RARS2: variants seen among roughly 807,000 people sequenced by gnomAD.
RARS2 encodes the protein probable arginine--tRNA ligase, mitochondrial.
In RARS2, 67 loss-of-function variants were observed where a neutral mutation model predicts 88.5. That is an observed-to-expected ratio of 0.76 (90% CI 0.62 to 0.93). The LOEUF (loss-of-function observed/expected upper bound fraction) is 0.93. Ranked by LOEUF, RARS2 falls within the 40% of genes least tolerant of loss-of-function variation. RARS2 has a pLI of 0.00. For synonymous variants in RARS2, 239 were observed against 230.3 expected (o/e 1.04, Z -0.34); for missense variants, 664 against 684.2 (o/e 0.97, Z 0.33).
chr6:87,576,177 T>C lies in RARS2; in HGVS notation c.37-6587A>G, dbSNP rs1308449123. Among the ~76,000 whole-genome samples the C allele has an allele frequency of 1.7e-5, 2 of 120,690 alleles. 1 individual carries two copies. 79.2% of individuals were successfully genotyped at this position (120,690 alleles called of 152,430 possible). On this transcript the variant is annotated intron_variant, in intron 1 of 19. Coordinates refer to ENST00000369536, the MANE Select transcript of RARS2 (RefSeq NM_020320.5). ...GCACAAAGATAATTACACTTTGATA[T>C]AATTTATATAAAATTTAATAACTTG...
At chr6:87,560,425 T>C (rs545101168) in intron 4 of RARS2, among the ~76,000 whole-genome samples, 51 of 152,344 alleles carry the variant, frequency 3.3e-4, no homozygotes, top group African/African-American at 1.2e-3. Context: ...AAATATTATT[T>C]GAAGTTACAG....
At chr6:87,548,490 T>C (rs1783303632) in intron 6 of RARS2, 101 bp downstream of exon 6, 4 of 1,196,380 alleles carry the variant, frequency 3.3e-6, no homozygotes, top group Middle Eastern at 5.5e-4. Context: ...AAACTTTTTG[T>C]TTTTTGCTAT....
At chr6:87,541,869 G>T in intron 8 of RARS2, 49 bp downstream of exon 8, 1 of 1,340,160 alleles carries the variant, frequency 7.5e-7, no homozygotes, top group Non-Finnish European at 1.1e-6. Flanking sequence ...ATGTTACTAA[G>T]CTACATAGTA....
chr6:87,572,150 T>A (rs1170102639), intron 1 of RARS2, among the ~76,000 whole-genome samples: 2 of 151,448 alleles, frequency 1.3e-5, no homozygotes, highest in Non-Finnish European at 1.5e-5. Flanking sequence ...TTTTATTAGT[T>A]AAGAGACCTT....
At chr6:87,577,204 T>C (rs2128210306) in intron 1 of RARS2, among the ~76,000 whole-genome samples, 1 of 152,320 alleles carries the variant, frequency 6.6e-6, no homozygotes, top group African/African-American at 2.4e-5. Flanking sequence ...GTTGTTGTTG[T>C]TTTCTGAGAC....
At chr6:87,527,555 G>T (rs1365744096) in intron 10 of RARS2, among the ~76,000 whole-genome samples, 1 of 152,084 alleles carries the variant, frequency 6.6e-6, no homozygotes, top group Admixed American at 6.6e-5. Flanking sequence ...ACACAGATGG[G>T]ATTGCATAAA....
At position 87,569,605 on chromosome 6, in the gene RARS2, G is replaced by C. The variant is rs1241177516; in HGVS notation, c.37-15C>G. 6.4e-7 allele frequency: 1 copy of C among 1,572,318 alleles called. No individual in the cohort carries two copies. Among genetic ancestry groups the C allele is most frequent in the Non-Finnish European group, 8.8e-7 (1 of 1,142,360 alleles). ...ACTCTGGAAAGCTAAAAATCAAAAA[G>C]AACAAAACAGTGTAAGATTGTTCAC... On this transcript the variant is annotated splice_polypyrimidine_tract_variant and intron_variant, in intron 1 of 19. Transcript: ENST00000369536.
At chr6:87,577,622 G>A (rs552092096) in intron 1 of RARS2, among the ~76,000 whole-genome samples, 107 of 152,274 alleles carry the variant, frequency 7.0e-4, no homozygotes, top group African/African-American at 2.3e-3. Context: ...AAAAAGATTG[G>A]TGGTAAGCAT....
chr6:87,559,310 C>T (rs1787032200), intron 4 of RARS2, among the ~76,000 whole-genome samples: 1 of 151,544 alleles, frequency 6.6e-6, no homozygotes, highest in Non-Finnish European at 1.5e-5. Context: ...TTTTTAGAGA[C>T]AGGGTCTCTA....
intron 18 of RARS2, 63 bp from the exon 19 acceptor site, chr6:87,515,083 CT>C: frequency 1.7e-6 from 2 of 1,210,326 alleles, no homozygotes; most frequent in Non-Finnish European, 2.5e-6. Flanking sequence ...AAGATATGAG[CT>C]TGATATCTAA....
intron 1 of RARS2, among the ~76,000 whole-genome samples, chr6:87,578,106 G>GA (rs1772157323): frequency 7.1e-6 from 1 of 140,394 alleles, no homozygotes; most frequent in Non-Finnish European, 1.5e-5. Flanking sequence ...AACATAGCGA[G>GA]ACCCCCCCCC....
At chr6:87,525,097 T>C (rs897325645) in intron 10 of RARS2, among the ~76,000 whole-genome samples, 1 of 152,218 alleles carries the variant, frequency 6.6e-6, no homozygotes, top group Non-Finnish European at 1.5e-5. Flanking sequence ...TTGGAATCTG[T>C]ATATGACAAT....
chr6:87,534,323 G>A (rs1778491202), intron 8 of RARS2, among the ~76,000 whole-genome samples: 1 of 152,060 alleles, frequency 6.6e-6, no homozygotes, highest in South Asian at 2.1e-4. Context: ...GATATAAACT[G>A]TATTTCACCT....
intron 4 of RARS2, among the ~76,000 whole-genome samples, chr6:87,558,570 T>C (rs9444515): frequency 0.4 from 60,908 of 152,074 alleles, 12,309 homozygotes; most frequent in Admixed American, 0.48. Context: ...ACCACATATA[T>C]ACAATGGTGG....
At chr6:87,556,805 A>AAAAAG (rs1410837169) in intron 4 of RARS2, among the ~76,000 whole-genome samples, 1 of 148,986 alleles carries the variant, frequency 6.7e-6, no homozygotes, top group African/African-American at 2.5e-5. Flanking sequence ...AAAAAAAAAA[A>AAAAAG]AAAATTTTTT....
chr6:87,549,056 A>C lies in RARS2; in HGVS notation c.396-410T>G, dbSNP rs35903880. Among the ~76,000 whole-genome samples, 12 of 152,002 alleles carry C rather than the reference A, an allele frequency of 7.9e-5. 2 individuals are homozygous for C. Among genetic ancestry groups the C allele is most frequent in the African/African-American group, 2.9e-4 (12 of 41,450 alleles). Reference sequence around the variant, plus strand: ...TATCAAGACTGTCTCTACAAAAAAAATTTTTTTTAGTCAGGTGGCTGGGTG... The same window carrying C: ...TATCAAGACTGTCTCTACAAAAAAACTTTTTTTTAGTCAGGTGGCTGGGTG... On this transcript the variant is annotated intron_variant, in intron 5 of 19. Coordinates refer to ENST00000369536, the MANE Select transcript of RARS2 (RefSeq NM_020320.5).
At chr6:87,572,838 CAAGGTACTTAACGCTT>C (rs1293044289) in intron 1 of RARS2, among the ~76,000 whole-genome samples, 1 of 152,068 alleles carries the variant, frequency 6.6e-6, no homozygotes, top group African/African-American at 2.4e-5. Context: ...ACTCTAAGCT[CAAGGTACTTAACGCTT>C]CTTGGCAATC....
intron 18 of RARS2, 61 bp from the exon 19 acceptor site, chr6:87,515,081 A>G: frequency 8.0e-7 from 1 of 1,251,088 alleles, no homozygotes; most frequent in Admixed American, 1.7e-5. Flanking sequence ...GTAAGATATG[A>G]GCTTGATATC....
rs759331139 is a variant in RARS2, at chr6:87,518,639, C to G, written c.1406G>C (p.Arg469Pro). 1 of 1,612,092 alleles carries G rather than the reference C, an allele frequency of 6.2e-7. No homozygotes were observed. Among genetic ancestry groups the G allele is most frequent in the South Asian group, 1.1e-5 (1 of 91,030 alleles). Residue 469 changes from arginine (R) to proline (P), a missense_variant, in exon 16 of 20, where the codon CGC becomes CCC. Transcript: ENST00000369536. The stretch of plus-strand genomic sequence containing the variant: ...TGCAGCCTCTTCTCACCTGTGGAGG[C>G]GGGCGTGTGTGTACTGTAGGAAGAC... The part of the protein sequence containing the change: ...TGVFLQYTHA[R>P]LHSLEETFGC...
Sources: allele counts gnomAD v4.1 joint callset (sites outside exome capture counted in the v4.1 genomes callset), GRCh38; gene constraint gnomAD v4.1.1; transcripts MANE v1.5; gene names NCBI Gene and HGNC (gene_info 2026-07-23, HGNC 2026-07-21).